ARHGEF18: variants seen among roughly 807,000 people sequenced by gnomAD.
ARHGEF18 encodes Rho/Rac guanine nucleotide exchange factor 18, also known as rho guanine nucleotide exchange factor 18.
In ARHGEF18, 93 loss-of-function variants were observed where a neutral mutation model predicts 155.7. The observed-to-expected ratio is 0.60, with a 90% CI of 0.50 to 0.71. The LOEUF (loss-of-function observed/expected upper bound fraction) is 0.71, where lower values mean the gene tolerates loss of function less well. Ranked by LOEUF, ARHGEF18 falls within the 30% of genes least tolerant of loss-of-function variation. The pLI is 0.00. For synonymous variants in ARHGEF18, 742 were observed against 753.1 expected, an observed-to-expected ratio of 0.99 and a Z score of 0.24; for missense variants, 1,593 against 1,816.1, an observed-to-expected ratio of 0.88 and a Z score of 2.23.
intron 18 of ARHGEF18, 126 bp downstream of exon 18, chr19:7,456,529 C>A: frequency 1.2e-6 from 1 of 846,788 alleles, no homozygotes; most frequent in Non-Finnish European, 2.0e-6. Flanking sequence ...CCAGCCTGGC[C>A]AACATGGTGA....
chr19:7,410,884 G>GT (rs1006460288), intron 10 of ARHGEF18, among the ~76,000 whole-genome samples: 4 of 91,350 alleles, frequency 4.4e-5, no homozygotes, highest in Non-Finnish European at 1.1e-4. Context: ...TAACATAATT[G>GT]TTTAAAAAAT....
At chr19:7,451,559 C>A (rs13345606) in intron 16 of ARHGEF18, among the ~76,000 whole-genome samples, 1 of 151,796 alleles carries the variant, frequency 6.6e-6, no homozygotes, top group Non-Finnish European at 1.5e-5. Flanking sequence ...TACAGGCATA[C>A]GCCACTACAC....
intron 20 of ARHGEF18, 41 bp downstream of exon 20, chr19:7,460,035 G>A (rs1600523404): frequency 6.5e-7 from 1 of 1,542,314 alleles, no homozygotes. Context: ...CTTGTGTGGT[G>A]AGCCCTGGGC....
downstream of ARHGEF18, among the ~76,000 whole-genome samples, chr19:7,474,346 A>G (rs1241723444): frequency 6.6e-6 from 1 of 152,186 alleles, no homozygotes; most frequent in Non-Finnish European, 1.5e-5. Flanking sequence ...CTCAAAAAAA[A>G]AAGAAAAAAA....
chr19:7,383,760 ACT>A (rs1213298210), intron 10 of ARHGEF18, among the ~76,000 whole-genome samples: 2 of 143,476 alleles, frequency 1.4e-5, no homozygotes, highest in East Asian at 2.1e-4. Flanking sequence ...ATCCATGAAG[ACT>A]CTATTTTCAA....
At chr19:7,458,815 C>T (rs929695793) in intron 19 of ARHGEF18, 125 bp downstream of exon 19, 70 of 1,143,676 alleles carry the variant, frequency 6.1e-5, no homozygotes, top group Middle Eastern at 3.0e-4. Context: ...GGACCCATGA[C>T]GCCATTCCAG....
chr19:7,424,183 C>T (rs527636750), intron 10 of ARHGEF18, among the ~76,000 whole-genome samples: 21 of 152,120 alleles, frequency 1.4e-4, no homozygotes, highest in Non-Finnish European at 1.6e-4. Context: ...CCCACCACCA[C>T]GCCCGGCTAA....
At chr19:7,413,439 C>T (rs144662598) in intron 10 of ARHGEF18, among the ~76,000 whole-genome samples, 5,453 of 151,850 alleles carry the variant, frequency 0.036, 295 homozygotes, top group East Asian at 0.2. Context: ...GTAGCTGGGA[C>T]TACAGGCGCC....
chr19:7,444,153 G>C lies in ARHGEF18; in HGVS notation c.1361-51G>C. On this transcript the variant is annotated intron_variant, in intron 13 of 28. Coordinates refer to ENST00000668164, the MANE Select transcript of ARHGEF18 (RefSeq NM_001367823.1). This position sits in a 1 kb window ranked among gnomAD's most constrained non-coding sequence, Gnocchi z 4.7. Reference sequence around the variant, plus strand: ...GGCAGGCAGCACCCACGACTGCCCAGCGGGGCCGTGGAGCCAGCATGGCTA... The same window carrying C: ...GGCAGGCAGCACCCACGACTGCCCACCGGGGCCGTGGAGCCAGCATGGCTA... 2 of 1,594,978 alleles carry C rather than the reference G, an allele frequency of 1.3e-6. No individual in the cohort carries two copies. Among genetic ancestry groups the C allele is most frequent in the Non-Finnish European group, 1.7e-6 (2 of 1,167,968 alleles).
At chr19:7,407,804 T>TA (rs1972407968) in intron 10 of ARHGEF18, among the ~76,000 whole-genome samples, 3 of 150,134 alleles carry the variant, frequency 2.0e-5, no homozygotes. Context: ...CTACTGAAAA[T>TA]ACAAAAAAAC....
At chr19:7,418,972 C>A (rs1973168991) in intron 10 of ARHGEF18, among the ~76,000 whole-genome samples, 1 of 151,930 alleles carries the variant, frequency 6.6e-6, no homozygotes, top group African/African-American at 2.4e-5. Context: ...TGTGTCTGCT[C>A]TCCAGCCCCC....
At chr19:7,386,502 A>C (rs899372529) in intron 10 of ARHGEF18, among the ~76,000 whole-genome samples, 2 of 151,982 alleles carry the variant, frequency 1.3e-5, no homozygotes, top group African/African-American at 4.8e-5. Context: ...CTCTCCCTCA[A>C]GTGTCCAGGG....
At position 7,462,485 on chromosome 19, in the gene ARHGEF18, C is replaced by T. The variant is rs1600531841; in HGVS notation, c.2635+151C>T. On this transcript the variant is annotated intron_variant, in intron 21 of 28. Transcript: ENST00000668164. The surrounding 1 kb of genome is among the most constrained non-coding windows in gnomAD (Gnocchi z 4.4). ...GGGGGGGCCCAGGAGCAGCACTGACCGCCCCCCGGTGCCTGTGAGAGCCAG... is the reference window on the plus strand; with the variant it reads ...GGGGGGGCCCAGGAGCAGCACTGACTGCCCCCCGGTGCCTGTGAGAGCCAG... 1.9e-5 allele frequency: 19 copies of T among 979,410 alleles called. No homozygotes were observed. The East Asian group carries it at 4.1e-4, about 21-fold the overall frequency. 60.7% of individuals were successfully genotyped at this position (979,410 alleles called of 1,614,324 possible). A position where few individuals can be genotyped will look rare whatever the true frequency, so the allele number is the denominator to read the frequency against.
intron 10 of ARHGEF18, among the ~76,000 whole-genome samples, chr19:7,404,318 T>C (rs1175665009): frequency 6.6e-6 from 1 of 152,114 alleles, no homozygotes; most frequent in Admixed American, 6.6e-5. Context: ...TCGAGGGGCT[T>C]CTCGGGCTGC....
intron 3 of ARHGEF18, among the ~76,000 whole-genome samples, chr19:7,373,321 T>C (rs1970282995): frequency 6.6e-6 from 1 of 152,156 alleles, no homozygotes; most frequent in South Asian, 2.1e-4. Context: ...TTGTAATACA[T>C]AATGAAATAA....
intron 1 of ARHGEF18, among the ~76,000 whole-genome samples, chr19:7,355,996 G>A (rs980790180): frequency 6.6e-6 from 1 of 152,136 alleles, no homozygotes; most frequent in African/African-American, 2.4e-5. Context: ...AACTCCTCAG[G>A]GGCAGCCCAG....
At position 7,470,086 on chromosome 19, in the gene ARHGEF18, A is replaced by G. The variant is rs1198146985; in HGVS notation, c.3914-40A>G. Reference sequence around the variant, plus strand: ...CCCAGGGCAGCGGGGCTGCGGCACCACCCGGCGACTGCTCAGTCTGAACCC... The same window carrying G: ...CCCAGGGCAGCGGGGCTGCGGCACCGCCCGGCGACTGCTCAGTCTGAACCC... On this transcript the variant is annotated intron_variant, in intron 28 of 28. Transcript: ENST00000668164. The surrounding 1 kb of genome is among the most constrained non-coding windows in gnomAD (Gnocchi z 5.9). 6.2e-7 allele frequency: 1 copy of G among 1,610,822 alleles called. No individual in the cohort carries two copies. Among genetic ancestry groups the G allele is most frequent in the East Asian group, 2.2e-5 (1 of 44,788 alleles).
At chr19:7,358,820 G>C (rs1212674228) in intron 1 of ARHGEF18, among the ~76,000 whole-genome samples, 2 of 152,202 alleles carry the variant, frequency 1.3e-5, no homozygotes, top group East Asian at 3.8e-4. Context: ...GTATAGAAGA[G>C]TGAAAAGTAC....
intron 2 of ARHGEF18, among the ~76,000 whole-genome samples, chr19:7,371,997 C>T (rs1970228829): frequency 6.6e-6 from 1 of 152,126 alleles, no homozygotes; most frequent in Non-Finnish European, 1.5e-5. Flanking sequence ...GGCCCCTTGC[C>T]TCCTGCCGGC....
Sources: allele counts gnomAD v4.1 joint callset (sites outside exome capture counted in the v4.1 genomes callset), GRCh38; gene constraint gnomAD v4.1.1; non-coding constraint Gnocchi (gnomAD v3.1); transcripts MANE v1.5; gene names NCBI Gene and HGNC (gene_info 2026-07-23, HGNC 2026-07-21).